Variants in PLA2G4D observed in about 807,000 individuals in gnomAD.
PLA2G4D encodes the protein cytosolic phospholipase A2 delta.
In PLA2G4D, 80 loss-of-function variants were observed where a neutral mutation model predicts 94.4. The ratio of observed to expected loss-of-function variants is 0.85; its 90% confidence interval spans 0.71 to 1.02. The LOEUF is 1.02. PLA2G4D is among the 50% of genes least tolerant of loss of function. The pLI is 0.00. For missense variants in PLA2G4D, 1,050 were observed against 1,034.7 expected (o/e 1.01, Z -0.20); for synonymous variants, 438 against 440.9 (o/e 0.99, Z 0.08).
chr15:42,086,509 A>G (rs1045692622), intron 3 of PLA2G4D, among the ~76,000 whole-genome samples, 165 bp from the exon 4 acceptor site: 1 of 152,158 alleles, frequency 6.6e-6, no homozygotes, highest in African/African-American at 2.4e-5. Context: ...ATATAAGGAA[A>G]TCTTATTAAA....
chr15:42,068,637 G>A lies in PLA2G4D; in HGVS notation c.*78C>T. ...TGGGAGAGCCCAGAACTCCAACCAG[G>A]AAGGCCTGTGGCTGAGCCCAGCTAC... On this transcript the variant is annotated 3_prime_UTR_variant, in exon 20 of 20. Coordinates refer to ENST00000290472, the MANE Select transcript of PLA2G4D (RefSeq NM_178034.4). The A allele has an allele frequency of 1.4e-6, 2 of 1,390,544 alleles. No individual in the cohort carries two copies. The highest frequency in any genetic ancestry group is 1.4e-5 in the South Asian group (1 of 72,876). 86.1% of individuals were successfully genotyped at this position (1,390,544 alleles called of 1,614,324 possible).
In PLA2G4D at chr15:42,070,058, C is replaced by T; in HGVS notation, c.2081G>A (p.Gly694Glu). 6 of 1,521,710 alleles carry T rather than the reference C, an allele frequency of 3.9e-6. No homozygotes were observed. Among genetic ancestry groups the T allele is most frequent in the Non-Finnish European group, 5.3e-6 (6 of 1,134,904 alleles). The allele number at this position is 1,521,710 out of a possible 1,614,324, so 94.3% of individuals were successfully genotyped here. ...QQTELYCRARGLPFPRVEPSP... is the reference protein window; with the variant it reads ...QQTELYCRARELPFPRVEPSP... ...GGGTTCCACCCGGGGGAAGGGCAGC[C>T]CCCGGGCCCGGCAGTACAGCTCCGT... Residue 694 changes from glycine (G) to glutamate (E), a missense_variant, in exon 19 of 20, where the codon GGG (glycine) becomes GAG (glutamate). Gly to Glu is a moderately conservative substitution (Grantham distance 98). Transcript: ENST00000290472.
Position 42,086,194 on chromosome 15 carries a change from T to TCCACC in PLA2G4D, c.387+18_387+19insGGTGG. 2.2e-6 allele frequency: 3 copies of TCCACC among 1,370,442 alleles called. No individual in the cohort carries two copies. The highest frequency in any genetic ancestry group is 2.9e-5 in the Admixed American group (1 of 34,018). 84.9% of individuals were successfully genotyped at this position (1,370,442 alleles called of 1,614,324 possible). On this transcript the variant is annotated intron_variant, in intron 4 of 19. Coordinates refer to ENST00000290472, the MANE Select transcript of PLA2G4D (RefSeq NM_178034.4). ...GGAAGAAGTGGGGCCCACGGGGACT[T>TCCACC]CCCCACCCACCCACCCACCTGGGGA...
In PLA2G4D at chr15:42,081,685, A is replaced by G. The variant is rs112962310; in HGVS notation, c.822-71T>C. The G allele has an allele frequency of 3.3e-4, 533 of 1,610,652 alleles. 3 individuals are homozygous for G. The highest frequency in any genetic ancestry group is 9.9e-4 in the Middle Eastern group (6 of 6,046). ...CAGCCACTGGCTGGCCAAGCCCACA[A>G]TGAGCTGCCAAAGAAGCCCTCTCCT... is the stretch of plus-strand genomic sequence containing the variant. On this transcript the variant is annotated intron_variant, in intron 10 of 19. Transcript: ENST00000290472.
chr15:42,082,511 A>G (rs767483984), intron 8 of PLA2G4D, 122 bp from the exon 9 acceptor site: 17 of 531,952 alleles, frequency 3.2e-5, no homozygotes, highest in Non-Finnish European at 5.5e-5. Flanking sequence ...AATATTGATA[A>G]GTATCATAAT....
At position 42,072,356 on chromosome 15, in the gene PLA2G4D, G is replaced by A. The variant is rs1420558023; in HGVS notation, c.1354C>T (p.Leu452=). 1 of 1,613,516 alleles carries A rather than the reference G, an allele frequency of 6.2e-7. No individual in the cohort carries two copies. The highest frequency in any genetic ancestry group is 8.5e-7 in the Non-Finnish European group (1 of 1,179,982). ...DQKLSGQRAA[L]ERGQNPLPLY... ...GGCAGAGGGTTCTGACCCCGTTCCAGGGCGGCTCTCTGTCCTGACAGCTTC... is the reference window on the plus strand; with the variant it reads ...GGCAGAGGGTTCTGACCCCGTTCCAAGGCGGCTCTCTGTCCTGACAGCTTC... Residue 452 remains leucine, a synonymous_variant, in exon 14 of 20, where the codon CTG becomes TTG. Transcript: ENST00000290472.
intron 1 of PLA2G4D, among the ~76,000 whole-genome samples, chr15:42,093,403 G>A (rs924732170): frequency 6.6e-6 from 1 of 152,226 alleles, no homozygotes; most frequent in Non-Finnish European, 1.5e-5. Context: ...AGTTTAAAGG[G>A]GGAAATATTC....
At position 42,070,700 on chromosome 15, in the gene PLA2G4D, TG is replaced by T; in HGVS notation, c.2043+16del. ...GCCTGGCTGGGCAGAGGGGTTCCCCTGGGGTGACCAGGGTACCTCGAAGGGC... is the reference window on the plus strand; with the variant it reads ...GCCTGGCTGGGCAGAGGGGTTCCCCTGGGTGACCAGGGTACCTCGAAGGGC... On this transcript the variant is annotated intron_variant, in intron 18 of 19. Coordinates refer to ENST00000290472, the MANE Select transcript of PLA2G4D (RefSeq NM_178034.4). The T allele has an allele frequency of 6.4e-7, 1 of 1,550,660 alleles. No homozygotes were observed. Among genetic ancestry groups the T allele is most frequent in the Non-Finnish European group, 8.7e-7 (1 of 1,146,282 alleles).
At position 42,081,989 on chromosome 15, in the gene PLA2G4D, T is replaced by C. The variant is rs1333587138; in HGVS notation, c.784-155A>G. ...TCTTGTTGCTCAGGCTGGAGTGCAATGGTGCGATCTTGGCTCAATGCAACC... is the reference window on the plus strand; with the variant it reads ...TCTTGTTGCTCAGGCTGGAGTGCAACGGTGCGATCTTGGCTCAATGCAACC... On this transcript the variant is annotated intron_variant, in intron 9 of 19. Coordinates refer to ENST00000290472, the MANE Select transcript of PLA2G4D (RefSeq NM_178034.4). Among the ~76,000 whole-genome samples the C allele has an allele frequency of 2.1e-5, 3 of 143,736 alleles. No individual in the cohort carries two copies. In the Admixed American group the frequency reaches 2.3e-4, roughly 11 times the overall value. 94.3% of individuals were successfully genotyped at this position (143,736 alleles called of 152,430 possible).
In PLA2G4D at chr15:42,071,490, A is replaced by G; in HGVS notation, c.1635T>C (p.Ser545=). 1 of 1,613,950 alleles carries G rather than the reference A, an allele frequency of 6.2e-7. No individual in the cohort carries two copies. The highest frequency in any genetic ancestry group is 1.1e-5 in the South Asian group (1 of 91,076). The change falls in exon 16 of 20, where the codon TCT becomes TCC. Residue 545 remains serine (S), a synonymous_variant. Coordinates refer to ENST00000290472, the MANE Select transcript of PLA2G4D (RefSeq NM_178034.4). Reference sequence around the variant, plus strand: ...TGATGTGCTGTTTCCAGGACTCCCCAGAACTGGTGAGGTCATACCAGGCAT... The same window carrying G: ...TGATGTGCTGTTTCCAGGACTCCCCGGAACTGGTGAGGTCATACCAGGCAT... ...LLDAWYDLTS[S]GESWKQHIKD... is the part of the protein sequence containing the mutation.
In PLA2G4D at chr15:42,087,360, GGTGAGC is replaced by G. The variant is rs767020260; in HGVS notation, c.189_194del (p.Leu64_Thr65del). The G allele has an allele frequency of 1.9e-6, 3 of 1,614,176 alleles. No individual in the cohort carries two copies. The Admixed American group carries it at 5.0e-5, about 27-fold the overall frequency. On this transcript the variant is annotated inframe_deletion, in exon 3 of 20. Coordinates refer to ENST00000290472, the MANE Select transcript of PLA2G4D (RefSeq NM_178034.4). ...CATTCCACACAGGATGACTGGTGTC[GGTGAGC>G]GTCTTGGTCTTAAACTTCATTCCAG...
At chr15:42,091,071 G>A (rs1369966173) in intron 1 of PLA2G4D, among the ~76,000 whole-genome samples, 1 of 152,170 alleles carries the variant, frequency 6.6e-6, no homozygotes, top group African/African-American at 2.4e-5. Flanking sequence ...TCTCATTCCA[G>A]AGTAAACACA....
Position 42,083,727 on chromosome 15 carries a change from G to A in PLA2G4D, c.524C>T (p.Ala175Val), listed in dbSNP as rs1170300955. 4 of 1,613,956 alleles carry A rather than the reference G, an allele frequency of 2.5e-6. No individual in the cohort carries two copies. Among genetic ancestry groups the A allele is most frequent in the Non-Finnish European group, 3.4e-6 (4 of 1,180,012 alleles). ...DVHLDSTGST[A>V]VVADQDKLEL... ...TAAGCTGGTCTCACCTGCAACCACA[G>A]CGGTGCTCCCTGTGCTGTCCAGATG... is the stretch of plus-strand genomic sequence containing the variant. The change falls in exon 7 of 20, where the codon GCT becomes GTT. Residue 175 changes from alanine to valine, a missense_variant. Ala to Val is a moderately conservative substitution (Grantham distance 64). Transcript: ENST00000290472.
chr15:42,081,156 G>T (rs1157078734), intron 11 of PLA2G4D, 23 bp from the exon 12 acceptor site: 2 of 1,607,072 alleles, frequency 1.2e-6, no homozygotes, highest in Non-Finnish European at 1.7e-6. Flanking sequence ...CAGACAGGCT[G>T]GATTAACAAG....
At chr15:42,085,741 G>A (rs1208602357) in intron 4 of PLA2G4D, among the ~76,000 whole-genome samples, 2 of 152,248 alleles carry the variant, frequency 1.3e-5, no homozygotes, top group African/African-American at 2.4e-5. Flanking sequence ...AGTCTGCAGA[G>A]AACAGGTCTC....
At position 42,086,194 on chromosome 15, in the gene PLA2G4D, T is replaced by TGGGGGGGGGGGCCGC; in HGVS notation, c.387+18_387+19insGCGGCCCCCCCCCCC. ...GGAAGAAGTGGGGCCCACGGGGACTTCCCCACCCACCCACCCACCTGGGGA... is the reference window on the plus strand; with the variant it reads ...GGAAGAAGTGGGGCCCACGGGGACTTGGGGGGGGGGGCCGCCCCCACCCACCCACCCACCTGGGGA... On this transcript the variant is annotated intron_variant, in intron 4 of 19. Transcript: ENST00000290472. 2 of 1,370,444 alleles carry TGGGGGGGGGGGCCGC rather than the reference T, an allele frequency of 1.5e-6. No individual in the cohort carries two copies. Among genetic ancestry groups the TGGGGGGGGGGGCCGC allele is most frequent in the Non-Finnish European group, 1.9e-6 (2 of 1,043,084 alleles). The allele number at this position is 1,370,444 out of a possible 1,614,324, so 84.9% of individuals were successfully genotyped here. A position where few individuals can be genotyped will look rare whatever the true frequency, so the allele number is the denominator to read the frequency against.
At chr15:42,081,635 G>C in intron 10 of PLA2G4D, 21 bp from the exon 11 acceptor site, 1 of 1,612,976 alleles carries the variant, frequency 6.2e-7, no homozygotes, top group Non-Finnish European at 8.5e-7. Context: ...GGAGGATCCA[G>C]GGGTCAGGGG....
rs770965549 is a variant in PLA2G4D at position 42,082,332 on chromosome 15, G to A, written c.730C>T (p.Leu244=). The A allele has an allele frequency of 3.7e-6, 6 of 1,614,166 alleles. No individual in the cohort carries two copies. The South Asian group carries it at 6.6e-5, about 18-fold the overall frequency. ...TCCTTCCCAATGGTCAAGGGCCTCA[G>A]GGGCACAGTGAGGTACCCAGCTGAG... The part of the protein sequence containing the change: ...DNSAGYLTVP[L]RPLTIGKEVT... The change falls in exon 9 of 20, where the codon CTG becomes TTG. Residue 244 remains leucine (L), a synonymous_variant. Transcript: ENST00000290472.
intron 9 of PLA2G4D, 67 bp from the exon 10 acceptor site, chr15:42,081,901 G>A (rs1890046142): frequency 3.2e-6 from 5 of 1,552,600 alleles, no homozygotes; most frequent in Non-Finnish European, 4.4e-6. Context: ...GGTATCCCTG[G>A]GGACTTGGTC....
Sources: gnomAD v4.1 joint callset for allele counts (sites outside exome capture counted in the v4.1 genomes callset) on GRCh38, gnomAD v4.1.1 for gene constraint, MANE v1.5 for transcripts, NCBI Gene and HGNC (gene_info 2026-07-23, HGNC 2026-07-21) for gene names.